KCNAB1: variants seen among roughly 807,000 people sequenced by gnomAD.
KCNAB1 encodes voltage-gated potassium channel subunit beta-1.
In KCNAB1, 35 loss-of-function variants were observed where a neutral mutation model predicts 64.6. The ratio of observed to expected loss-of-function variants is 0.54; its 90% CI spans 0.41 to 0.72. KCNAB1 has a LOEUF of 0.72. Among genes scored for constraint, KCNAB1 ranks in the 30% least tolerant of loss-of-function variants. The pLI is 0.00. For missense variants in KCNAB1, 401 were observed against 512.9 expected (o/e 0.78, Z 2.11); for synonymous variants, 177 against 183.8 (o/e 0.96, Z 0.30).
chr3:156,227,323 A>G (rs926589872), intron 1 of KCNAB1, among the ~76,000 whole-genome samples: 4 of 152,356 alleles, frequency 2.6e-5, no homozygotes, highest in Non-Finnish European at 5.9e-5. Flanking sequence ...AGCAAAGACA[A>G]AGGACATTGT....
At chr3:156,160,418 G>A (rs1344866675) in intron 1 of KCNAB1, among the ~76,000 whole-genome samples, 1 of 152,152 alleles carries the variant, frequency 6.6e-6, no homozygotes, top group Non-Finnish European at 1.5e-5. Context: ...GGAGCAGGTA[G>A]CAACTCTTCT....
chr3:156,153,564 A>T (rs548117686), intron 1 of KCNAB1, among the ~76,000 whole-genome samples: 4 of 152,196 alleles, frequency 2.6e-5, no homozygotes, highest in Admixed American at 2.0e-4. Flanking sequence ...TAACATTGGA[A>T]TTGGTGGACT....
At chr3:156,507,294 G>T (rs1716887631) in intron 8 of KCNAB1, among the ~76,000 whole-genome samples, 1 of 152,132 alleles carries the variant, frequency 6.6e-6, no homozygotes, top group Non-Finnish European at 1.5e-5. Flanking sequence ...TTGCATTGAA[G>T]AAACTGAGAT....
chr3:156,268,588 G>A (rs150835148), intron 1 of KCNAB1, among the ~76,000 whole-genome samples: 1,530 of 152,104 alleles, frequency 0.01, 23 homozygotes, highest in African/African-American at 0.035. Context: ...ATGATATCTC[G>A]TTGTTGTTTT....
chr3:156,234,439 A>G (rs1385537839), intron 1 of KCNAB1, among the ~76,000 whole-genome samples: 2 of 152,200 alleles, frequency 1.3e-5, no homozygotes, highest in Middle Eastern at 3.2e-3. Flanking sequence ...ACCTAGATGC[A>G]GGACAGTTCA....
chr3:156,538,878 C>T (rs991356235), downstream of KCNAB1: 1 of 152,150 alleles, frequency 6.6e-6, no homozygotes, highest in African/African-American at 2.4e-5. Flanking sequence ...TAGAACACTC[C>T]GCACTAAGGT....
At chr3:156,457,280 T>C in intron 3 of KCNAB1, 173 bp from the exon 4 acceptor site, 1 of 1,419,106 alleles carries the variant, frequency 7.0e-7, no homozygotes, top group Non-Finnish European at 9.2e-7. Flanking sequence ...AGAATACTTC[T>C]GTCCTATGGA....
At chr3:156,395,924 T>C (rs991761528) in intron 1 of KCNAB1, among the ~76,000 whole-genome samples, 17 of 152,134 alleles carry the variant, frequency 1.1e-4, no homozygotes, top group African/African-American at 4.1e-4. Context: ...GTGTAGAAAA[T>C]ACCTACTCAG....
chr3:156,348,999 C>T (rs889073160), intron 1 of KCNAB1, among the ~76,000 whole-genome samples: 4 of 152,146 alleles, frequency 2.6e-5, no homozygotes, highest in African/African-American at 7.2e-5. Context: ...TACTGAAGAA[C>T]GTTATAAGAA....
intron 1 of KCNAB1, among the ~76,000 whole-genome samples, chr3:156,189,834 A>C (rs775155580): frequency 2.0e-5 from 3 of 152,132 alleles, no homozygotes; most frequent in Non-Finnish European, 4.4e-5. Flanking sequence ...TGCTAAGGTC[A>C]TTTTGTTGGG....
intron 8 of KCNAB1, among the ~76,000 whole-genome samples, chr3:156,483,816 T>C (rs1344931787): frequency 3.3e-5 from 5 of 152,160 alleles, no homozygotes. Flanking sequence ...CATTCTGATA[T>C]GCATCTATAA....
chr3:156,387,990 A>G (rs1712738935), intron 1 of KCNAB1, among the ~76,000 whole-genome samples: 1 of 152,218 alleles, frequency 6.6e-6, no homozygotes, highest in East Asian at 1.9e-4. Flanking sequence ...TGTTAATTTA[A>G]AAAACATATC....
chr3:156,158,389 A>G (rs561966541), intron 1 of KCNAB1, among the ~76,000 whole-genome samples: 43 of 152,276 alleles, frequency 2.8e-4, no homozygotes, highest in Admixed American at 7.2e-4. Context: ...GAGGTTTACA[A>G]ATAAATACTC....
intron 1 of KCNAB1, among the ~76,000 whole-genome samples, chr3:156,258,080 A>T (rs965661153): frequency 6.6e-6 from 1 of 152,184 alleles, no homozygotes; most frequent in Non-Finnish European, 1.5e-5. Flanking sequence ...GAAGAAAGAG[A>T]GTCTCTCTTT....
At chr3:156,372,226 T>TAGG (rs1268867575) in intron 1 of KCNAB1, among the ~76,000 whole-genome samples, 2 of 152,120 alleles carry the variant, frequency 1.3e-5, no homozygotes, top group Non-Finnish European at 2.9e-5. Flanking sequence ...ATTCTGAGAG[T>TAGG]AATACATTGA....
At chr3:156,522,394 C>T (rs1718010556) in intron 11 of KCNAB1, among the ~76,000 whole-genome samples, 1 of 152,110 alleles carries the variant, frequency 6.6e-6, no homozygotes, top group Non-Finnish European at 1.5e-5. Flanking sequence ...GCCCCGGCCC[C>T]AAGGCAGTGT....
chr3:156,419,366 T>TG (rs956786933), intron 1 of KCNAB1, among the ~76,000 whole-genome samples: 1 of 151,034 alleles, frequency 6.6e-6, no homozygotes, highest in African/African-American at 2.4e-5. Context: ...CCAGGCGTGG[T>TG]GGGGGGTGCC....
chr3:156,321,515 T>G (rs1012924151), intron 1 of KCNAB1, among the ~76,000 whole-genome samples: 2 of 152,224 alleles, frequency 1.3e-5, no homozygotes, highest in African/African-American at 4.8e-5. Context: ...TGCTCTAGCA[T>G]TCTCAGCTGC....
intron 1 of KCNAB1, among the ~76,000 whole-genome samples, chr3:156,231,177 A>G (rs1716498177): frequency 6.6e-6 from 1 of 152,216 alleles, no homozygotes; most frequent in Non-Finnish European, 1.5e-5. Flanking sequence ...TTGTAATCAC[A>G]TATGATTACT....
Sources: gnomAD v4.1 joint callset for allele counts (sites outside exome capture counted in the v4.1 genomes callset) on GRCh38, gnomAD v4.1.1 for gene constraint, MANE v1.5 for transcripts, NCBI Gene and HGNC (gene_info 2026-07-23, HGNC 2026-07-21) for gene names.